The following COL14A1 variants were observed in gnomAD, a reference collection of about 807,000 sequenced individuals.
The protein encoded by COL14A1 is collagen type XIV alpha 1 chain.
A neutral mutation model predicts 230.3 loss-of-function variants in COL14A1; 136 were observed. That is an observed-to-expected ratio of 0.59 (90% CI 0.51 to 0.68). The LOEUF is 0.68. COL14A1 is among the 30% of genes least tolerant of loss of function. The pLI is 0.00. For missense variants in COL14A1, 1,976 were observed against 2,215.8 expected (o/e 0.89, Z 2.17); for synonymous variants, 792 against 784.1 (o/e 1.01, Z -0.17).
chr8:120,212,609 G>A (rs776998257), intron 13 of COL14A1, 32 bp downstream of exon 13: 3 of 1,611,334 alleles, frequency 1.9e-6, no homozygotes, highest in Non-Finnish European at 2.5e-6. Context: ...TTGGGATGCT[G>A]TAGTAAAAGC....
intron 40 of COL14A1, among the ~76,000 whole-genome samples, chr8:120,324,695 T>C (rs1436112556): frequency 6.6e-6 from 1 of 152,190 alleles, no homozygotes; most frequent in African/African-American, 2.4e-5. Context: ...GTAGCATCAG[T>C]TGAATAACCT....
intron 5 of COL14A1, among the ~76,000 whole-genome samples, chr8:120,194,202 C>G (rs1043536629): frequency 6.6e-6 from 1 of 152,156 alleles, no homozygotes; most frequent in African/African-American, 2.4e-5. Context: ...GCTGCCAGTC[C>G]TATGAGTCTT....
chr8:120,267,839 A>G lies in COL14A1; in HGVS notation c.3073+956A>G, dbSNP rs75590937. ...TAAGAAGGAAGGGCGATCTGATGAA[A>G]TCTATGTTTAAGAATGATAACTTTG... On this transcript the variant is annotated intron_variant, in intron 25 of 47. Transcript: ENST00000297848. 7.0e-3 allele frequency among the ~76,000 whole-genome samples: 1,066 copies of G among 151,958 alleles called. 11 individuals carry two copies. The Middle Eastern group carries it at 0.071, about 10-fold the overall frequency.
intron 11 of COL14A1, 35 bp from the exon 12 acceptor site, chr8:120,209,721 A>G: frequency 6.3e-7 from 1 of 1,584,566 alleles, no homozygotes; most frequent in East Asian, 2.3e-5. Flanking sequence ...ACACATATAT[A>G]AGTGGCTCAA....
intron 38 of COL14A1, among the ~76,000 whole-genome samples, chr8:120,314,827 C>G (rs1563733171): frequency 6.6e-6 from 1 of 152,142 alleles, no homozygotes; most frequent in East Asian, 1.9e-4. Context: ...TCTGTGTTTG[C>G]TTTTCCCTTC....
chr8:120,161,944 C>A (rs1003762995), intron 3 of COL14A1, among the ~76,000 whole-genome samples: 1 of 152,196 alleles, frequency 6.6e-6, no homozygotes, highest in South Asian at 2.1e-4. Context: ...GGATTACAGG[C>A]GTGAGCCTCC....
At chr8:120,159,684 A>AT (rs1307619775) in intron 3 of COL14A1, among the ~76,000 whole-genome samples, 1 of 152,016 alleles carries the variant, frequency 6.6e-6, no homozygotes, top group Non-Finnish European at 1.5e-5. Context: ...TCTTTTATTT[A>AT]TTTTTTAATT....
At chr8:120,358,227 TTAGTGTGTGACACATG>T (rs1208939065) in intron 45 of COL14A1, among the ~76,000 whole-genome samples, 4 of 152,206 alleles carry the variant, frequency 2.6e-5, no homozygotes, top group African/African-American at 9.6e-5. Context: ...TCCCACCGCA[TTAGTGTGTGACACATG>T]TCATTCAATA....
intron 19 of COL14A1, among the ~76,000 whole-genome samples, chr8:120,234,977 G>T (rs1818391392): frequency 6.6e-6 from 1 of 152,062 alleles, no homozygotes; most frequent in South Asian, 2.1e-4. Context: ...ATTAATTACT[G>T]CCTCAATTTC....
intron 19 of COL14A1, among the ~76,000 whole-genome samples, chr8:120,238,705 C>G (rs1818527447): frequency 1.3e-5 from 2 of 152,190 alleles, no homozygotes; most frequent in Admixed American, 6.5e-5. Flanking sequence ...GGCCACCCAG[C>G]TTTGTGCTTG....
Position 120,238,132 on chromosome 8 carries a change from G to A in COL14A1, c.2350-5747G>A, listed in dbSNP as rs568830377. Among the ~76,000 whole-genome samples, 6 of 152,300 alleles carry A rather than the reference G, an allele frequency of 3.9e-5. No homozygotes were observed. The East Asian group carries it at 7.7e-4, about 20-fold the overall frequency. ...GTCTGTCCCTTAGCAGAGTTCGAGCGCTGTGCTGGGAGGTCCTCTGCTCTT... is the reference window on the plus strand; with the variant it reads ...GTCTGTCCCTTAGCAGAGTTCGAGCACTGTGCTGGGAGGTCCTCTGCTCTT... On this transcript the variant is annotated intron_variant, in intron 19 of 47. Transcript: ENST00000297848.
intron 1 of COL14A1, among the ~76,000 whole-genome samples, chr8:120,139,241 T>A (rs146756390): frequency 6.6e-6 from 1 of 152,228 alleles, no homozygotes. Context: ...TATTTTTCTT[T>A]CGTATAAAAT....
At chr8:120,229,184 A>G (rs1012021191) in intron 18 of COL14A1, among the ~76,000 whole-genome samples, 8 of 150,564 alleles carry the variant, frequency 5.3e-5, no homozygotes, top group African/African-American at 2.0e-4. Flanking sequence ...ATATGTATAC[A>G]TGTGCCATGC....
chr8:120,126,751 G>A (rs1031228138), intron 1 of COL14A1, among the ~76,000 whole-genome samples: 6 of 152,168 alleles, frequency 3.9e-5, no homozygotes, highest in African/African-American at 1.4e-4. Context: ...TGACAGCATG[G>A]TCCAGTCTGC....
At chr8:120,205,705 C>T (rs911694081) in intron 9 of COL14A1, among the ~76,000 whole-genome samples, 2 of 152,122 alleles carry the variant, frequency 1.3e-5, no homozygotes, top group Admixed American at 6.6e-5. Flanking sequence ...GAACACATTT[C>T]TCTGAGCTTC....
chr8:120,306,391 C>G (rs1178432962), intron 36 of COL14A1, among the ~76,000 whole-genome samples: 2 of 151,998 alleles, frequency 1.3e-5, no homozygotes, highest in Admixed American at 6.6e-5. Context: ...GAGAAAAAAG[C>G]AATTGAAAAT....
chr8:120,277,012 C>G (rs748068312), intron 26 of COL14A1, among the ~76,000 whole-genome samples: 1 of 151,678 alleles, frequency 6.6e-6, no homozygotes, highest in Admixed American at 6.6e-5. Context: ...ACAAAGCTCT[C>G]GAAAGATGCT....
intron 12 of COL14A1, among the ~76,000 whole-genome samples, chr8:120,210,872 CT>C (rs1424739862): frequency 1.3e-5 from 2 of 151,736 alleles, no homozygotes; most frequent in African/African-American, 4.8e-5. Flanking sequence ...GCTTAGATGG[CT>C]TTTGTCTATT....
chr8:120,231,720 G>A, intron 19 of COL14A1, 102 bp downstream of exon 19: 1 of 1,210,770 alleles, frequency 8.3e-7, no homozygotes, highest in Admixed American at 2.7e-5. Context: ...TCTTTTCTCA[G>A]TGACTCTGCC....
Sources: allele counts gnomAD v4.1 joint callset (sites outside exome capture counted in the v4.1 genomes callset), GRCh38; gene constraint gnomAD v4.1.1; transcripts MANE v1.5; gene names NCBI Gene and HGNC (gene_info 2026-07-23, HGNC 2026-07-21).